The following CATSPERB variants were observed in gnomAD, a reference collection of about 807,000 sequenced individuals.
The protein encoded by CATSPERB is cation channel sperm-associated auxiliary subunit beta.
CATSPERB carries 93 observed loss-of-function variants against 128.3 expected under a neutral mutation model. That is an observed-to-expected ratio of 0.72 (90% CI 0.61 to 0.86). The LOEUF is 0.86. Ranked by LOEUF, CATSPERB falls within the 40% of genes least tolerant of loss-of-function variation. CATSPERB has a pLI of 0.00. For synonymous variants in CATSPERB, 381 were observed against 448.8 expected (o/e 0.85, Z 1.91); for missense variants, 1,153 against 1,329.5 (o/e 0.87, Z 2.06).
chr14:91,702,166 G>A (rs1895661698), intron 7 of CATSPERB, among the ~76,000 whole-genome samples: 1 of 151,778 alleles, frequency 6.6e-6, no homozygotes, highest in South Asian at 2.1e-4. Context: ...CAGAATGACC[G>A]CTCTCCTATG....
intron 14 of CATSPERB, among the ~76,000 whole-genome samples, chr14:91,666,881 A>G (rs533009148): frequency 6.6e-6 from 1 of 152,306 alleles, no homozygotes; most frequent in East Asian, 1.9e-4. Flanking sequence ...CCAACAAATT[A>G]TAGTCCAGAT....
intron 16 of CATSPERB, among the ~76,000 whole-genome samples, chr14:91,637,133 T>C (rs1894390717): frequency 6.6e-6 from 1 of 152,084 alleles, no homozygotes; most frequent in Admixed American, 6.6e-5. Flanking sequence ...AACACACCTT[T>C]CTCTAATCCT....
At chr14:91,722,447 GA>G (rs1444471078) in intron 4 of CATSPERB, among the ~76,000 whole-genome samples, 2 of 152,182 alleles carry the variant, frequency 1.3e-5, no homozygotes, top group African/African-American at 4.8e-5. Flanking sequence ...TTCAGAGTTA[GA>G]AAATCTATAG....
intron 17 of CATSPERB, among the ~76,000 whole-genome samples, chr14:91,626,138 A>T (rs2139792167): frequency 6.6e-6 from 1 of 152,204 alleles, no homozygotes; most frequent in African/African-American, 2.4e-5. Context: ...AAAGAAAATA[A>T]AGAACTCTAA....
At position 91,598,084 on chromosome 14, in the gene CATSPERB, C is replaced by T. The variant is rs529483278; in HGVS notation, c.2710-6082G>A. 4.0e-5 allele frequency among the ~76,000 whole-genome samples: 6 copies of T among 151,650 alleles called. No homozygotes were observed. In the South Asian group the frequency reaches 1.2e-3, roughly 31 times the overall value. Reference sequence around the variant, plus strand: ...TTCTGATTTGTTCTGAAATTCCCTCCTTTTTAAACAACCAGTTATTTTATT... The same window carrying T: ...TTCTGATTTGTTCTGAAATTCCCTCTTTTTTAAACAACCAGTTATTTTATT... On this transcript the variant is annotated intron_variant, in intron 22 of 26. Transcript: ENST00000256343.
Position 91,729,345 on chromosome 14 carries a change from G to A in CATSPERB, c.79+56C>T. ...AATTTTTTACTGTAAATAAGGAAGA[G>A]ACACAAATAAGAACTCCTGAGAAGG... On this transcript the variant is annotated intron_variant, in intron 2 of 26. Transcript: ENST00000256343. 5.4e-6 allele frequency: 4 copies of A among 740,794 alleles called. No homozygotes were observed. The South Asian group carries it at 7.3e-5, about 13-fold the overall frequency. The allele number at this position is 740,794 out of a possible 1,614,324, so 45.9% of individuals were successfully genotyped here. A position where few individuals can be genotyped will look rare whatever the true frequency, so the allele number is the denominator to read the frequency against.
In CATSPERB at chr14:91,583,670, CTTTAA is replaced by C. The variant is rs1469950747; in HGVS notation, c.3133-2568_3133-2564del. 1.8e-4 allele frequency among the ~76,000 whole-genome samples: 28 copies of C among 152,262 alleles called. No homozygotes were observed. The East Asian group carries it at 2.7e-3, about 15-fold the overall frequency. ...ACAATGTCTATTTACTCCTAAAATA[CTTTAA>C]TTTGTGTTTTTAAGCACAAAAATTC... On this transcript the variant is annotated intron_variant, in intron 26 of 26. Coordinates refer to ENST00000256343, the MANE Select transcript of CATSPERB (RefSeq NM_024764.4).
chr14:91,629,855 A>G (rs539679604), intron 17 of CATSPERB, among the ~76,000 whole-genome samples: 1 of 152,320 alleles, frequency 6.6e-6, no homozygotes, highest in South Asian at 2.1e-4. Flanking sequence ...CAGCCTTTAA[A>G]AGAGAAGGAA....
chr14:91,661,471 G>A (rs1187115895), intron 14 of CATSPERB, among the ~76,000 whole-genome samples: 1 of 149,194 alleles, frequency 6.7e-6, no homozygotes, highest in Non-Finnish European at 1.5e-5. Context: ...TAACGTTACA[G>A]TGTTATCTTT....
At chr14:91,723,468 A>G (rs1006482573) in intron 3 of CATSPERB, among the ~76,000 whole-genome samples, 2 of 152,188 alleles carry the variant, frequency 1.3e-5, no homozygotes, top group African/African-American at 4.8e-5. Flanking sequence ...TTCCAATTTT[A>G]TTAAAATTGT....
chr14:91,621,626 C>A lies in CATSPERB; in HGVS notation c.2242G>T (p.Val748Phe), dbSNP rs747442129. The change falls in exon 19 of 27, where the codon GTC becomes TTC. Residue 748 changes from valine to phenylalanine, a missense_variant. By Grantham distance (50) the Val-to-Phe change is conservative (BLOSUM62 -1). Coordinates refer to ENST00000256343, the MANE Select transcript of CATSPERB (RefSeq NM_024764.4). ...LGNSYVLKAK[V>F]IRNAKGFRML... ...AACTTACCTTTTGCATTCCGTATGA[C>A]CTTAGCTTTTAAAACATAAGAGTTT... 1 of 1,603,410 alleles carries A rather than the reference C, an allele frequency of 6.2e-7. No homozygotes were observed. The highest frequency in any genetic ancestry group is 2.2e-5 in the East Asian group (1 of 44,794).
At chr14:91,637,553 G>A (rs116339856) in intron 16 of CATSPERB, among the ~76,000 whole-genome samples, 2,029 of 152,256 alleles carry the variant, frequency 0.013, 43 homozygotes, top group African/African-American at 0.044. Context: ...CACAGGCCCC[G>A]GAGCCAGTTG....
chr14:91,594,104 T>G (rs146982612), intron 22 of CATSPERB, among the ~76,000 whole-genome samples: 4 of 152,250 alleles, frequency 2.6e-5, no homozygotes, highest in African/African-American at 7.2e-5. Flanking sequence ...TAGACTGGAT[T>G]AAGAAAATGT....
At chr14:91,636,718 G>A in intron 16 of CATSPERB, 139 bp from the exon 17 acceptor site, 1 of 743,438 alleles carries the variant, frequency 1.3e-6, no homozygotes, top group Non-Finnish European at 2.1e-6. Context: ...AAGTCAACGT[G>A]TTCTGTTGGA....
In CATSPERB at chr14:91,600,087, T is replaced by G. The variant is rs183738578; in HGVS notation, c.2710-8085A>C. Reference sequence around the variant, plus strand: ...TGTTATGAATAATGCTGCTATGAAGTTTTTGTCTGAACATATGTTTTCAAT... The same window carrying G: ...TGTTATGAATAATGCTGCTATGAAGGTTTTGTCTGAACATATGTTTTCAAT... On this transcript the variant is annotated intron_variant, in intron 22 of 26. Transcript: ENST00000256343. Among the ~76,000 whole-genome samples the G allele has an allele frequency of 1.1e-3, 170 of 152,322 alleles. 1 individual carries two copies. The highest frequency in any genetic ancestry group is 3.8e-3 in the African/African-American group (159 of 41,570).
intron 22 of CATSPERB, among the ~76,000 whole-genome samples, chr14:91,594,274 C>T (rs1221070679): frequency 1.3e-5 from 2 of 150,210 alleles, no homozygotes; most frequent in East Asian, 3.9e-4. Flanking sequence ...GGGAATTGAA[C>T]AATGAGAACA....
rs140906272 is a variant in CATSPERB, at chr14:91,721,387, C to A, written c.309+1662G>T. Among the ~76,000 whole-genome samples, 943 of 152,066 alleles carry A rather than the reference C, an allele frequency of 6.2e-3. 15 individuals are homozygous for A. Among genetic ancestry groups the A allele is most frequent in the African/African-American group, 0.021 (887 of 41,470 alleles). Reference sequence around the variant, plus strand: ...CTTTTACAAATCAAAAACACGAATACCCAAACTAAAAATGGGCATATAATT... The same window carrying A: ...CTTTTACAAATCAAAAACACGAATAACCAAACTAAAAATGGGCATATAATT... On this transcript the variant is annotated intron_variant, in intron 4 of 26. Transcript: ENST00000256343.
intron 21 of CATSPERB, 70 bp downstream of exon 21, chr14:91,610,410 G>T: frequency 8.2e-7 from 1 of 1,220,280 alleles, no homozygotes; most frequent in South Asian, 1.4e-5. Context: ...GAAACTGAAT[G>T]GGTAGGCAAT....
Position 91,659,825 on chromosome 14 carries a change from C to A in CATSPERB, c.1432+12G>T. 6.3e-7 allele frequency: 1 copy of A among 1,599,910 alleles called. No individual in the cohort carries two copies. Among genetic ancestry groups the A allele is most frequent in the South Asian group, 1.1e-5 (1 of 87,934 alleles). ...CATGTAATGCTTACACCAGTGAAAG[C>A]AAATTTCTTACCTGCCTTTGTCGAG... On this transcript the variant is annotated intron_variant, in intron 15 of 26. Coordinates refer to ENST00000256343, the MANE Select transcript of CATSPERB (RefSeq NM_024764.4).
Sources: allele counts gnomAD v4.1 joint callset (sites outside exome capture counted in the v4.1 genomes callset), GRCh38; gene constraint gnomAD v4.1.1; transcripts MANE v1.5; gene names NCBI Gene and HGNC (gene_info 2026-07-23, HGNC 2026-07-21).